SEC14L1: variants seen among roughly 807,000 people sequenced by gnomAD.
SEC14L1 encodes the protein SEC14-like protein 1.
SEC14L1 carries 48 observed loss-of-function variants against 85.3 expected under a neutral mutation model. The ratio of observed to expected loss-of-function variants is 0.56; its 90% CI spans 0.45 to 0.72. The LOEUF (loss-of-function observed/expected upper bound fraction) is 0.72. Among genes scored for constraint, SEC14L1 ranks in the 30% least tolerant of loss-of-function variants. The pLI is 0.00. For synonymous variants in SEC14L1, 391 were observed against 355.5 expected (o/e 1.10, Z -1.12); for missense variants, 682 against 921.4 (o/e 0.74, Z 3.36).
rs755614915 is a variant in SEC14L1, at chr17:77,203,557, C to T, written c.1010-13C>T. ...GATGGTGCTGACAACTCATTCCTTCCCCTCCTCTGCAGATGGGCGGCCCCT... is the reference window on the plus strand; with the variant it reads ...GATGGTGCTGACAACTCATTCCTTCTCCTCCTCTGCAGATGGGCGGCCCCT... On this transcript the variant is annotated splice_polypyrimidine_tract_variant and intron_variant, in intron 9 of 16. Transcript: ENST00000436233. 1.2e-6 allele frequency: 2 copies of T among 1,611,776 alleles called. No individual in the cohort carries two copies. Among genetic ancestry groups the T allele is most frequent in the Admixed American group, 1.7e-5 (1 of 59,836 alleles).
At chr17:77,197,515 C>T (rs187105000) in intron 8 of SEC14L1, among the ~76,000 whole-genome samples, 414 of 152,178 alleles carry the variant, frequency 2.7e-3, no homozygotes, top group African/African-American at 9.7e-3. Context: ...TAATTTTTAA[C>T]TTTGTGTATA....
chr17:77,175,079 C>T (rs1046375950), intron 3 of SEC14L1, among the ~76,000 whole-genome samples: 5 of 152,150 alleles, frequency 3.3e-5, no homozygotes, highest in Non-Finnish European at 7.4e-5. Context: ...GTGAGCATGT[C>T]AGGGCACAAC....
At chr17:77,212,230 A>G (rs753082542) in intron 15 of SEC14L1, 29 bp downstream of exon 15, 6 of 1,608,682 alleles carry the variant, frequency 3.7e-6, no homozygotes, top group South Asian at 1.1e-5. Context: ...CAAATCGCGC[A>G]TCCGTGACTC....
chr17:77,128,389 CATTTTATTTTATTTT>C (rs144559197), intron 3 of SEC14L1, among the ~76,000 whole-genome samples: 4,370 of 129,816 alleles, frequency 0.034, 199 homozygotes, highest in African/African-American at 0.089. Context: ...CACACTTGAG[CATTTTATTTTATTTT>C]ATTTTATTTT....
At chr17:77,187,840 G>A (rs1192039226) in intron 3 of SEC14L1, among the ~76,000 whole-genome samples, 1 of 151,632 alleles carries the variant, frequency 6.6e-6, no homozygotes. Flanking sequence ...CACCTCCTGG[G>A]CTCAGGTGGT....
At chr17:77,198,731 G>T (rs563362006) in intron 8 of SEC14L1, among the ~76,000 whole-genome samples, 148 of 151,878 alleles carry the variant, frequency 9.7e-4, no homozygotes, top group African/African-American at 3.3e-3. Flanking sequence ...CCGCCACCAC[G>T]CCCAGATAAT....
chr17:77,181,310 T>C (rs559775769), intron 3 of SEC14L1, among the ~76,000 whole-genome samples: 4 of 152,302 alleles, frequency 2.6e-5, no homozygotes, highest in Admixed American at 2.0e-4. Context: ...TGAAGTGGTT[T>C]CCCCCTGAAT....
intron 3 of SEC14L1, among the ~76,000 whole-genome samples, chr17:77,166,794 G>T (rs954293763): frequency 1.3e-5 from 2 of 152,090 alleles, no homozygotes; most frequent in South Asian, 2.1e-4. Context: ...AGTGAAGATC[G>T]TGCCATTGCA....
intron 3 of SEC14L1, among the ~76,000 whole-genome samples, chr17:77,146,483 C>CT (rs1233183246): frequency 6.6e-6 from 1 of 152,174 alleles, no homozygotes; most frequent in African/African-American, 2.4e-5. Context: ...TCATGCAGGA[C>CT]TTTACAGAAG....
At chr17:77,091,133 G>T (rs1831614328) in intron 2 of SEC14L1, among the ~76,000 whole-genome samples, 1 of 152,168 alleles carries the variant, frequency 6.6e-6, no homozygotes, top group African/African-American at 2.4e-5. Flanking sequence ...TGTCTCCCAG[G>T]TTGGAGTGCA....
chr17:77,190,743 C>T (rs940546151), intron 3 of SEC14L1, 60 bp from the exon 4 acceptor site: 32 of 1,570,782 alleles, frequency 2.0e-5, no homozygotes, highest in Admixed American at 1.7e-5. Flanking sequence ...ACACAGTCAG[C>T]GGCAGGACAT....
chr17:77,128,333 G>A (rs1470338987), intron 3 of SEC14L1, among the ~76,000 whole-genome samples: 4 of 151,878 alleles, frequency 2.6e-5, no homozygotes, highest in African/African-American at 7.3e-5. Flanking sequence ...GTGGGCGGGG[G>A]TGCAGAGCTG....
chr17:77,112,316 A>T (rs1196982760), intron 3 of SEC14L1, among the ~76,000 whole-genome samples: 1 of 152,164 alleles, frequency 6.6e-6, no homozygotes, highest in Non-Finnish European at 1.5e-5. Flanking sequence ...GAACAGACTA[A>T]TGCAGGGGGG....
chr17:77,194,700 C>T lies in SEC14L1; in HGVS notation c.498C>T (p.Tyr166=), dbSNP rs1371131260. The T allele has an allele frequency of 9.3e-6, 15 of 1,613,944 alleles. No individual in the cohort carries two copies. Among genetic ancestry groups the T allele is most frequent in the African/African-American group, 2.7e-5 (2 of 74,912 alleles). ...AGGGAAAGGAAATCATCGAATACTA[C>T]CTTCGCCAATTAGAAGAAGAAGGCA... ...IKKGKEIIEY[Y]LRQLEEEGIT... is the part of the protein sequence containing the mutation. Residue 166 remains tyrosine (Y), a synonymous_variant, in exon 7 of 17, where the codon TAC becomes TAT. Coordinates refer to ENST00000436233, the MANE Select transcript of SEC14L1 (RefSeq NM_001143998.2).
Position 77,206,883 on chromosome 17 carries a change from C to T in SEC14L1, c.1476+21C>T. The T allele has an allele frequency of 6.6e-7, 1 of 1,515,528 alleles. No homozygotes were observed. Among genetic ancestry groups the T allele is most frequent in the Non-Finnish European group, 8.8e-7 (1 of 1,131,862 alleles). 93.9% of individuals were successfully genotyped at this position (1,515,528 alleles called of 1,614,324 possible). A position where few individuals can be genotyped will look rare whatever the true frequency, so the allele number is the denominator to read the frequency against. On this transcript the variant is annotated intron_variant, in intron 13 of 16. Transcript: ENST00000436233. This position sits in a 1 kb window ranked among gnomAD's most constrained non-coding sequence, Gnocchi z 4.3. ...GCATGGTATGTCCTGAGGCGAGGAA[C>T]TGCACATTTGGCCCCTTATGCAGGT...
intron 3 of SEC14L1, among the ~76,000 whole-genome samples, chr17:77,166,562 G>A (rs930448915): frequency 1.3e-5 from 2 of 152,160 alleles, no homozygotes; most frequent in African/African-American, 4.8e-5. Context: ...ATTAAGGGCC[G>A]GGTGCAGTGG....
intron 3 of SEC14L1, among the ~76,000 whole-genome samples, chr17:77,113,686 C>T (rs1157586904): frequency 6.6e-6 from 1 of 152,152 alleles, no homozygotes; most frequent in African/African-American, 2.4e-5. Flanking sequence ...GCAGAGGTTG[C>T]TATGAGCCGA....
At chr17:77,182,801 G>A (rs1408670143) in intron 3 of SEC14L1, among the ~76,000 whole-genome samples, 1 of 152,212 alleles carries the variant, frequency 6.6e-6, no homozygotes, top group Non-Finnish European at 1.5e-5. Context: ...GAGATAAAAC[G>A]TGAAGGCCTG....
chr17:77,161,513 TA>T (rs993106817), intron 3 of SEC14L1, among the ~76,000 whole-genome samples: 2 of 151,980 alleles, frequency 1.3e-5, no homozygotes, highest in African/African-American at 4.8e-5. Context: ...AAAAGTTAAT[TA>T]AAAAATAAAA....
Sources: allele counts gnomAD v4.1 joint callset (sites outside exome capture counted in the v4.1 genomes callset), GRCh38; gene constraint gnomAD v4.1.1; non-coding constraint Gnocchi (gnomAD v3.1); transcripts MANE v1.5; gene names NCBI Gene and HGNC (gene_info 2026-07-23, HGNC 2026-07-21).